ADCY2: variants seen among roughly 807,000 people sequenced by gnomAD.
ADCY2 encodes adenylate cyclase type 2.
ADCY2 carries 31 observed loss-of-function variants against 125.2 expected under a neutral mutation model. The observed-to-expected ratio is 0.25, with a 90% CI of 0.19 to 0.33. The LOEUF (loss-of-function observed/expected upper bound fraction) is 0.33. ADCY2 is among the 10% of genes least tolerant of loss of function. ADCY2 has a pLI of 1.00. For missense variants in ADCY2, 904 were observed against 1,418.2 expected (o/e 0.64, Z 5.82); for synonymous variants, 512 against 548.4 (o/e 0.93, Z 0.93).
At chr5:7,586,878 G>A (rs1196070509) in intron 3 of ADCY2, among the ~76,000 whole-genome samples, 5 of 152,046 alleles carry the variant, frequency 3.3e-5, no homozygotes, top group African/African-American at 9.7e-5. Flanking sequence ...CCACATCTTC[G>A]TCTATCTATC....
intron 2 of ADCY2, among the ~76,000 whole-genome samples, chr5:7,489,114 T>C (rs1283443403): frequency 6.6e-6 from 1 of 152,106 alleles, no homozygotes; most frequent in Admixed American, 6.5e-5. Flanking sequence ...GCTCTCCCAC[T>C]CCCATTTCTA....
chr5:7,399,628 A>G (rs1739188428), intron 1 of ADCY2, among the ~76,000 whole-genome samples: 1 of 152,260 alleles, frequency 6.6e-6, no homozygotes, highest in African/African-American at 2.4e-5. Context: ...TTTGTGAAGA[A>G]TTATTTGAAG....
chr5:7,445,490 A>G (rs766669401), intron 2 of ADCY2, among the ~76,000 whole-genome samples: 8 of 152,222 alleles, frequency 5.3e-5, no homozygotes, highest in Non-Finnish European at 1.2e-4. Flanking sequence ...CACATTTTAT[A>G]ATGGACTTCC....
intron 3 of ADCY2, among the ~76,000 whole-genome samples, chr5:7,567,862 A>G (rs920320214): frequency 6.6e-6 from 1 of 152,168 alleles, no homozygotes; most frequent in Non-Finnish European, 1.5e-5. Flanking sequence ...TCTAACCTAC[A>G]CTGAATTATC....
chr5:7,505,262 C>T (rs1414021260), intron 2 of ADCY2, among the ~76,000 whole-genome samples: 1 of 152,166 alleles, frequency 6.6e-6, no homozygotes, highest in Non-Finnish European at 1.5e-5. Flanking sequence ...GATTGAATCT[C>T]ATTGTTTTAA....
chr5:7,663,427 C>T (rs1434245560), intron 4 of ADCY2, among the ~76,000 whole-genome samples: 1 of 152,258 alleles, frequency 6.6e-6, no homozygotes, highest in Non-Finnish European at 1.5e-5. Flanking sequence ...CAGCACCTCC[C>T]ACGGGGGGGC....
chr5:7,786,644 G>A (rs577249028), intron 19 of ADCY2, among the ~76,000 whole-genome samples: 15 of 152,302 alleles, frequency 9.8e-5, no homozygotes, highest in African/African-American at 2.9e-4. Flanking sequence ...TATGACAGAT[G>A]TGTTAACCAA....
At chr5:7,635,274 A>G (rs1008584782) in intron 4 of ADCY2, among the ~76,000 whole-genome samples, 3 of 152,152 alleles carry the variant, frequency 2.0e-5, no homozygotes, top group African/African-American at 7.2e-5. Context: ...TGGAGAAGGG[A>G]TGAGTGTTAG....
chr5:7,709,443 A>T lies in ADCY2; in HGVS notation c.1578+56A>T. On this transcript the variant is annotated intron_variant, in intron 10 of 24. Transcript: ENST00000338316. This position sits in a 1 kb window ranked among gnomAD's most constrained non-coding sequence, Gnocchi z 4.4. ...CACTGGGGGAAAGCTAACTTCCCAA[A>T]ACCAAAGGCTGGGCATCTCCTGCCA... 2 of 1,488,338 alleles carry T rather than the reference A, an allele frequency of 1.3e-6. No individual in the cohort carries two copies. Among genetic ancestry groups the T allele is most frequent in the Non-Finnish European group, 1.8e-6 (2 of 1,119,370 alleles). The allele number at this position is 1,488,338 out of a possible 1,614,324, so 92.2% of individuals were successfully genotyped here. A position where few individuals can be genotyped will look rare whatever the true frequency, so the allele number is the denominator to read the frequency against.
At chr5:7,578,904 A>G (rs1247970628) in intron 3 of ADCY2, among the ~76,000 whole-genome samples, 1 of 152,132 alleles carries the variant, frequency 6.6e-6, no homozygotes, top group Non-Finnish European at 1.5e-5. Flanking sequence ...AGTAATGGGA[A>G]CCCAGACAGC....
At chr5:7,601,227 C>T (rs1192355375) in intron 3 of ADCY2, among the ~76,000 whole-genome samples, 1 of 152,062 alleles carries the variant, frequency 6.6e-6, no homozygotes, top group Admixed American at 6.6e-5. Context: ...ACCACCTGAT[C>T]CAGGTTTTTC....
chr5:7,802,015 T>A lies in ADCY2; in HGVS notation c.2629-203T>A. ...CAAGGCACCTCTTCTTAACTGGTAG[T>A]GGCCTGAATCCAGCTCATTAGAAGC... On this transcript the variant is annotated intron_variant, in intron 20 of 24. Coordinates refer to ENST00000338316, the MANE Select transcript of ADCY2 (RefSeq NM_020546.3). This position sits in a 1 kb window ranked among gnomAD's most constrained non-coding sequence, Gnocchi z 4.6. 1 of 540,326 alleles carries A rather than the reference T, an allele frequency of 1.9e-6. No individual in the cohort carries two copies. The highest frequency in any genetic ancestry group is 3.2e-6 in the Non-Finnish European group (1 of 309,728). The allele number at this position is 540,326 out of a possible 1,614,324, so 33.5% of individuals were successfully genotyped here.
At chr5:7,639,481 A>T (rs1038981008) in intron 4 of ADCY2, among the ~76,000 whole-genome samples, 1 of 152,180 alleles carries the variant, frequency 6.6e-6, no homozygotes, top group African/African-American at 2.4e-5. Flanking sequence ...TTTTGTAATA[A>T]TTAGTTATTA....
At chr5:7,810,486 CT>C (rs1744903599) in intron 22 of ADCY2, among the ~76,000 whole-genome samples, 1 of 151,774 alleles carries the variant, frequency 6.6e-6, no homozygotes, top group African/African-American at 2.4e-5. Context: ...GGTTATCTAC[CT>C]GTTTGGTGGG....
chr5:7,667,237 C>T (rs1189262769), intron 4 of ADCY2, among the ~76,000 whole-genome samples: 1 of 152,086 alleles, frequency 6.6e-6, no homozygotes, highest in African/African-American at 2.4e-5. Flanking sequence ...ATAGGTGTCT[C>T]GGCGGGGATG....
intron 14 of ADCY2, among the ~76,000 whole-genome samples, chr5:7,742,549 G>A (rs1393692498): frequency 1.3e-5 from 2 of 152,154 alleles, no homozygotes; most frequent in African/African-American, 4.8e-5. Context: ...AGTTTTTGTA[G>A]ATGTTGTTTG....
chr5:7,638,477 G>C (rs1738581839), intron 4 of ADCY2, among the ~76,000 whole-genome samples: 1 of 152,124 alleles, frequency 6.6e-6, no homozygotes, highest in East Asian at 1.9e-4. Flanking sequence ...AGGAACCAAT[G>C]ATTGGAGGAA....
At chr5:7,679,081 G>T (rs968362078) in intron 4 of ADCY2, among the ~76,000 whole-genome samples, 1 of 152,220 alleles carries the variant, frequency 6.6e-6, no homozygotes, top group African/African-American at 2.4e-5. Context: ...GGTGACTTTG[G>T]CAGAGTTCAG....
intron 14 of ADCY2, among the ~76,000 whole-genome samples, chr5:7,729,730 C>A (rs1742040364): frequency 6.7e-6 from 1 of 149,264 alleles, no homozygotes; most frequent in Non-Finnish European, 1.5e-5. Flanking sequence ...ATATTTTTTT[C>A]ATTAAAGATT....
Sources: allele counts gnomAD v4.1 joint callset (sites outside exome capture counted in the v4.1 genomes callset), GRCh38; gene constraint gnomAD v4.1.1; non-coding constraint Gnocchi (gnomAD v3.1); transcripts MANE v1.5; gene names NCBI Gene and HGNC (gene_info 2026-07-23, HGNC 2026-07-21).